The following DSCAM variants were observed in gnomAD, a reference collection of about 807,000 sequenced individuals.
DSCAM encodes DS cell adhesion molecule.
DSCAM carries 47 observed loss-of-function variants against 217.7 expected under a neutral mutation model. The ratio of observed to expected loss-of-function variants is 0.22; its 90% confidence interval spans 0.17 to 0.28. DSCAM has a LOEUF of 0.28. Among genes scored for constraint, DSCAM ranks in the 10% least tolerant of loss-of-function variants. DSCAM has a pLI of 1.00. For synonymous variants in DSCAM, 1,056 were observed against 1,015.3 expected, an observed-to-expected ratio of 1.04 and a Z score of -0.76; for missense variants, 2,080 against 2,618.3, an observed-to-expected ratio of 0.79 and a Z score of 4.49.
At chr21:40,289,152 T>C (rs1240223859) in intron 10 of DSCAM, among the ~76,000 whole-genome samples, 1 of 152,160 alleles carries the variant, frequency 6.6e-6, no homozygotes, top group Non-Finnish European at 1.5e-5. Context: ...AACCTCTATT[T>C]CCTATGAAAT....
At chr21:40,648,305 C>T (rs2089974453) in intron 3 of DSCAM, among the ~76,000 whole-genome samples, 1 of 150,962 alleles carries the variant, frequency 6.6e-6, no homozygotes, top group Non-Finnish European at 1.5e-5. Flanking sequence ...CAGCAAGTTT[C>T]TGAAGCTATA....
chr21:40,555,031 T>C (rs913567356), intron 3 of DSCAM, among the ~76,000 whole-genome samples: 4 of 152,062 alleles, frequency 2.6e-5, no homozygotes, highest in South Asian at 2.1e-4. Flanking sequence ...AATAAAAGAA[T>C]GAGTGAGTGA....
chr21:40,178,887 C>T (rs371453246), intron 15 of DSCAM, 40 bp downstream of exon 15: 9 of 1,610,964 alleles, frequency 5.6e-6, no homozygotes, highest in African/African-American at 5.3e-5. Flanking sequence ...AGTTAGCTCC[C>T]GGGCTCCTCT....
chr21:40,624,277 A>C (rs2089567148), intron 3 of DSCAM, among the ~76,000 whole-genome samples: 1 of 152,234 alleles, frequency 6.6e-6, no homozygotes, highest in Admixed American at 6.5e-5. Flanking sequence ...ACTCTCAATT[A>C]CCTTCTGGAA....
intron 3 of DSCAM, among the ~76,000 whole-genome samples, chr21:40,610,995 G>A (rs538581573): frequency 1.1e-3 from 169 of 151,602 alleles, no homozygotes; most frequent in Non-Finnish European, 4.1e-4. Flanking sequence ...CTGCATATGT[G>A]GTTTCAGATT....
At chr21:40,106,203 T>A (rs2089817771) in intron 20 of DSCAM, among the ~76,000 whole-genome samples, 1 of 152,190 alleles carries the variant, frequency 6.6e-6, no homozygotes, top group Non-Finnish European at 1.5e-5. Flanking sequence ...ACTTATTCAC[T>A]ATCATGAGAA....
At chr21:40,483,827 C>A (rs1425050421) in intron 3 of DSCAM, among the ~76,000 whole-genome samples, 1 of 152,096 alleles carries the variant, frequency 6.6e-6, no homozygotes, top group Non-Finnish European at 1.5e-5. Flanking sequence ...TTTGTGTGTT[C>A]CTAAAGTTTG....
chr21:40,751,526 A>G (rs2091228626), intron 1 of DSCAM, among the ~76,000 whole-genome samples: 2 of 152,224 alleles, frequency 1.3e-5, no homozygotes, highest in South Asian at 4.1e-4. Flanking sequence ...TAATGTGGAG[A>G]ACAAAGCTAG....
intron 3 of DSCAM, among the ~76,000 whole-genome samples, chr21:40,547,121 G>C (rs1056450259): frequency 6.6e-5 from 10 of 152,110 alleles, no homozygotes; most frequent in African/African-American, 2.4e-4. Flanking sequence ...CCCCAACCCT[G>C]TCTATCCTGG....
chr21:40,828,023 T>C (rs1357757494), intron 1 of DSCAM, among the ~76,000 whole-genome samples: 1 of 152,214 alleles, frequency 6.6e-6, no homozygotes, highest in African/African-American at 2.4e-5. Flanking sequence ...TGGTTGTTAG[T>C]ACGTTTTACA....
intron 3 of DSCAM, among the ~76,000 whole-genome samples, chr21:40,585,905 G>A (rs1023153698): frequency 6.6e-6 from 1 of 152,186 alleles, no homozygotes; most frequent in East Asian, 1.9e-4. Context: ...CACTCAGGCT[G>A]GAGTGCAATG....
chr21:40,091,423 C>T (rs1479544398), intron 21 of DSCAM, among the ~76,000 whole-genome samples: 3 of 152,072 alleles, frequency 2.0e-5, no homozygotes, highest in Admixed American at 6.5e-5. Context: ...CTCCCACCTG[C>T]TAAATCTTTC....
chr21:40,691,275 C>T (rs1198823824), intron 3 of DSCAM, among the ~76,000 whole-genome samples: 1 of 152,196 alleles, frequency 6.6e-6, no homozygotes, highest in Non-Finnish European at 1.5e-5. Context: ...TGTAATTCTC[C>T]CATGCTCTCT....
At chr21:40,108,352 C>G (rs1434586034) in intron 20 of DSCAM, among the ~76,000 whole-genome samples, 2 of 152,140 alleles carry the variant, frequency 1.3e-5, no homozygotes, top group African/African-American at 4.8e-5. Context: ...TTCCTATCCT[C>G]TAACAACAGT....
chr21:40,038,910 C>T (rs1005093141), intron 32 of DSCAM, among the ~76,000 whole-genome samples: 9 of 150,446 alleles, frequency 6.0e-5, no homozygotes, highest in African/African-American at 1.7e-4. Context: ...AGTAAACTAT[C>T]GCAAGAACAA....
chr21:40,347,970 G>T (rs779312277), intron 5 of DSCAM, 25 bp from the exon 6 acceptor site: 1 of 1,591,236 alleles, frequency 6.3e-7, no homozygotes, highest in African/African-American at 1.4e-5. Context: ...AAGAGAGAGA[G>T]AAAAAAGATA....
At chr21:40,449,969 T>C (rs1382415414) in intron 3 of DSCAM, among the ~76,000 whole-genome samples, 1 of 152,234 alleles carries the variant, frequency 6.6e-6, no homozygotes, top group Non-Finnish European at 1.5e-5. Flanking sequence ...ATTTAATATG[T>C]TACATTTGAT....
chr21:40,152,130 C>CA (rs201473877), intron 16 of DSCAM, among the ~76,000 whole-genome samples: 62,594 of 147,036 alleles, frequency 0.43, 15,974 homozygotes, highest in South Asian at 0.58. Flanking sequence ...AAAAAAAACA[C>CA]AAAAAAAACA....
intron 11 of DSCAM, among the ~76,000 whole-genome samples, chr21:40,256,694 C>A (rs1601490285): frequency 6.6e-6 from 1 of 152,150 alleles, no homozygotes; most frequent in South Asian, 2.1e-4. Flanking sequence ...CTACTTTACT[C>A]AAAAATCTAT....
Sources: allele counts gnomAD v4.1 joint callset (sites outside exome capture counted in the v4.1 genomes callset), GRCh38; gene constraint gnomAD v4.1.1; transcripts MANE v1.5; gene names NCBI Gene and HGNC (gene_info 2026-07-23, HGNC 2026-07-21).